Variants in CD2AP observed in about 807,000 individuals in gnomAD.
The protein encoded by CD2AP is CD2-associated protein.
In CD2AP, 46 loss-of-function variants were observed where a neutral mutation model predicts 85.1. The ratio of observed to expected loss-of-function variants is 0.54; its 90% CI spans 0.43 to 0.69. The LOEUF (loss-of-function observed/expected upper bound fraction) is 0.69, where lower values mean the gene tolerates loss of function less well. CD2AP is among the 30% of genes least tolerant of loss of function. The pLI is 0.00. For missense variants in CD2AP, 769 were observed against 729.5 expected, an observed-to-expected ratio of 1.05 and a Z score of -0.62; for synonymous variants, 255 against 252.9, an observed-to-expected ratio of 1.01 and a Z score of -0.08.
At chr6:47,515,556 A>G (rs1437372067) in intron 2 of CD2AP, among the ~76,000 whole-genome samples, 1 of 152,246 alleles carries the variant, frequency 6.6e-6, no homozygotes, top group Non-Finnish European at 1.5e-5. Context: ...AAACTTGATC[A>G]TAGTTAACTC....
chr6:47,504,869 A>G (rs4565293), intron 2 of CD2AP, among the ~76,000 whole-genome samples: 50,683 of 152,034 alleles, frequency 0.33, 9,324 homozygotes, highest in Middle Eastern at 0.52. Flanking sequence ...GGATACATTA[A>G]TTTTAAAATA....
intron 11 of CD2AP, among the ~76,000 whole-genome samples, chr6:47,590,208 G>T (rs1768753526): frequency 6.6e-6 from 1 of 151,982 alleles, no homozygotes; most frequent in Non-Finnish European, 1.5e-5. Context: ...AAGCTTTAAA[G>T]TAACTGTGCT....
At position 47,478,015 on chromosome 6, in the gene CD2AP, A is replaced by C. The variant is rs1231607604; in HGVS notation, c.-230A>C. 1 of 601,106 alleles carries C rather than the reference A, an allele frequency of 1.7e-6. No individual in the cohort carries two copies. Among genetic ancestry groups the C allele is most frequent in the Non-Finnish European group, 2.9e-6 (1 of 340,454 alleles). 37.2% of individuals were successfully genotyped at this position (601,106 alleles called of 1,614,324 possible). A position where few individuals can be genotyped will look rare whatever the true frequency, so the allele number is the denominator to read the frequency against. On this transcript the variant is annotated 5_prime_UTR_variant, in exon 1 of 18. Transcript: ENST00000359314. ...CGCCGCCGTGGCTCCTGGGGAGGCCAGGGGTGAGGAGCTGTCGCCGCCTTT... is the reference window on the plus strand; with the variant it reads ...CGCCGCCGTGGCTCCTGGGGAGGCCCGGGGTGAGGAGCTGTCGCCGCCTTT...
chr6:47,559,323 G>T (rs1333636888), intron 5 of CD2AP, among the ~76,000 whole-genome samples: 1 of 149,954 alleles, frequency 6.7e-6, no homozygotes, highest in African/African-American at 2.5e-5. Context: ...GCAGTAGCAT[G>T]ATCATAGCTC....
intron 13 of CD2AP, among the ~76,000 whole-genome samples, chr6:47,605,417 T>TATAC (rs1455121523): frequency 6.6e-6 from 1 of 152,004 alleles, no homozygotes; most frequent in Admixed American, 6.6e-5. Flanking sequence ...AGTAGATTTG[T>TATAC]CCTTAAACCC....
intron 2 of CD2AP, among the ~76,000 whole-genome samples, chr6:47,520,730 GTTT>G (rs35163088): frequency 1.2e-5 from 1 of 86,356 alleles, no homozygotes. Context: ...TGGTGCTACA[GTTT>G]TTTTTTTTTT....
chr6:47,520,593 A>G (rs1766561875), intron 2 of CD2AP, among the ~76,000 whole-genome samples: 1 of 152,042 alleles, frequency 6.6e-6, no homozygotes, highest in Non-Finnish European at 1.5e-5. Context: ...TCTGGTAACC[A>G]TGCCTCTGGT....
At chr6:47,522,890 T>C (rs1486823662) in intron 2 of CD2AP, among the ~76,000 whole-genome samples, 1 of 151,938 alleles carries the variant, frequency 6.6e-6, no homozygotes, top group African/African-American at 2.4e-5. Flanking sequence ...CTTGAAAAAT[T>C]AGCAATATGA....
At position 47,503,317 on chromosome 6, in the gene CD2AP, T is replaced by C. The variant is rs34773184; in HGVS notation, c.42T>C (p.His14=). ...YIVEYDYDAV[H]DDELTIRVGE... ...TGGAGTATGACTATGATGCTGTACA[T>C]GATGATGAATTAACTATTCGAGTTG... Residue 14 remains histidine (H), a synonymous_variant, in exon 2 of 18, where the codon CAT becomes CAC. Transcript: ENST00000359314. 1,380 of 1,613,834 alleles carry C rather than the reference T, an allele frequency of 8.6e-4. 14 individuals are homozygous for C. In the African/African-American group the frequency reaches 0.016, roughly 19 times the overall value.
chr6:47,543,173 G>GA (rs1767273767), intron 3 of CD2AP, among the ~76,000 whole-genome samples: 1 of 88,466 alleles, frequency 1.1e-5, no homozygotes, highest in African/African-American at 3.8e-5. Context: ...AAAAAAAAAA[G>GA]AAAAAGAAAA....
intron 4 of CD2AP, among the ~76,000 whole-genome samples, chr6:47,546,699 A>G (rs951378250): frequency 1.3e-4 from 20 of 152,244 alleles, no homozygotes; most frequent in African/African-American, 2.9e-4. Flanking sequence ...AATTTATCAC[A>G]AAAAGATTAT....
At chr6:47,572,379 T>A (rs1378613979) in intron 5 of CD2AP, among the ~76,000 whole-genome samples, 3 of 152,194 alleles carry the variant, frequency 2.0e-5, no homozygotes, top group Non-Finnish European at 4.4e-5. Context: ...TTAAAACGGG[T>A]TCATTTTATT....
rs2114147948 is a variant in CD2AP, at chr6:47,607,997, A to T, written c.1601A>T (p.Glu534Val). ...EEDSANLKPS[E>V]LKKDTCYSPK... ...GACAGTGCCAACCTGAAGCCATCTG[A>T]ATTAAAAAAAGATACATGCTACTCT... Residue 534 changes from glutamate to valine, a missense_variant, in exon 15 of 18, where the codon GAA (glutamate) becomes GTA (valine). Coordinates refer to ENST00000359314, the MANE Select transcript of CD2AP (RefSeq NM_012120.3). The T allele has an allele frequency of 6.2e-7, 1 of 1,612,896 alleles. No homozygotes were observed. The highest frequency in any genetic ancestry group is 1.1e-5 in the South Asian group (1 of 91,050).
At chr6:47,617,370 A>T (rs9463342) in intron 17 of CD2AP, among the ~76,000 whole-genome samples, 40,177 of 152,072 alleles carry the variant, frequency 0.26, 5,471 homozygotes, top group African/African-American at 0.31. Flanking sequence ...TCATGAATCT[A>T]ATGATTAGCT....
chr6:47,481,593 G>A (rs988358257), intron 1 of CD2AP, among the ~76,000 whole-genome samples: 5 of 152,100 alleles, frequency 3.3e-5, no homozygotes, highest in African/African-American at 1.2e-4. Flanking sequence ...TGATCTGCCC[G>A]CTTTGGCCTC....
At chr6:47,539,320 TG>T (rs1767141764) in intron 3 of CD2AP, among the ~76,000 whole-genome samples, 1 of 152,222 alleles carries the variant, frequency 6.6e-6, no homozygotes, top group Non-Finnish European at 1.5e-5. Flanking sequence ...GTACTGGGGT[TG>T]TCAAGCAGAG....
At chr6:47,606,564 A>G (rs1769278110) in intron 14 of CD2AP, among the ~76,000 whole-genome samples, 1 of 152,226 alleles carries the variant, frequency 6.6e-6, no homozygotes, top group South Asian at 2.1e-4. Flanking sequence ...TTATCTTTCA[A>G]CAACAGTTAT....
chr6:47,516,097 A>C (rs1766447310), intron 2 of CD2AP, among the ~76,000 whole-genome samples: 1 of 152,154 alleles, frequency 6.6e-6, no homozygotes, highest in Non-Finnish European at 1.5e-5. Flanking sequence ...CAGTTTAAGG[A>C]AATTAGGAAG....
At chr6:47,505,585 T>C (rs2113984287) in intron 2 of CD2AP, among the ~76,000 whole-genome samples, 2 of 138,800 alleles carry the variant, frequency 1.4e-5, no homozygotes, top group South Asian at 2.4e-4. Flanking sequence ...GAGGCGCCCC[T>C]CACCTCCCGG....
Sources: gnomAD v4.1 joint callset for allele counts (sites outside exome capture counted in the v4.1 genomes callset) on GRCh38, gnomAD v4.1.1 for gene constraint, MANE v1.5 for transcripts, NCBI Gene and HGNC (gene_info 2026-07-23, HGNC 2026-07-21) for gene names.